Variants in PCDHA6 observed in about 807,000 individuals in gnomAD.
PCDHA6 encodes protocadherin alpha-6.
In PCDHA6, 55 loss-of-function variants were observed where a neutral mutation model predicts 60.3. The ratio of observed to expected loss-of-function variants is 0.91; its 90% CI spans 0.73 to 1.14. PCDHA6 has a LOEUF of 1.14. Among genes scored for constraint, PCDHA6 ranks in the 50% most tolerant of loss-of-function variants. The pLI, the probability that PCDHA6 is intolerant of heterozygous loss-of-function variation, is 0.00. For synonymous variants in PCDHA6, 652 were observed against 557.9 expected (o/e 1.17, Z -2.38); for missense variants, 1,327 against 1,256.5 (o/e 1.06, Z -0.85).
intron 1 of PCDHA6, among the ~76,000 whole-genome samples, chr5:140,976,481 G>A (rs549195125): frequency 6.6e-6 from 1 of 152,160 alleles, no homozygotes; most frequent in South Asian, 2.1e-4. Flanking sequence ...AATCCGGGAG[G>A]CAGAGGTTGC....
At chr5:140,989,109 A>C (rs2097330096) in intron 3 of PCDHA6, 2 of 152,240 alleles carry the variant, frequency 1.3e-5, no homozygotes, top group African/African-American at 4.8e-5. Context: ...CAACTTTTGA[A>C]TATATCTTAG....
At chr5:140,993,510 G>A (rs144120217) in intron 3 of PCDHA6, among the ~76,000 whole-genome samples, 7 of 129,138 alleles carry the variant, frequency 5.4e-5, no homozygotes, top group African/African-American at 1.4e-4. Context: ...ACACACACAC[G>A]GGGAGAGAGA....
In PCDHA6 at chr5:140,848,503, A is replaced by G. The variant is rs2150411513; in HGVS notation, c.2394+18018A>G. 2.1e-5 allele frequency: 33 copies of G among 1,586,850 alleles called. 4 individuals are homozygous for G. Among genetic ancestry groups the G allele is most frequent in the African/African-American group, 4.1e-5 (3 of 74,020 alleles). Reference sequence around the variant, plus strand: ...GAAGACTGAGTATTTGAAATGTTATACTCAAGTCGAGGAGATCCAGAGGGT... The same window carrying G: ...GAAGACTGAGTATTTGAAATGTTATGCTCAAGTCGAGGAGATCCAGAGGGT... On this transcript the variant is annotated intron_variant, in intron 1 of 3. Coordinates refer to ENST00000529310, the MANE Select transcript of PCDHA6 (RefSeq NM_018909.4).
chr5:140,961,504 G>T (rs2095618659), intron 1 of PCDHA6, among the ~76,000 whole-genome samples: 1 of 152,112 alleles, frequency 6.6e-6, no homozygotes, highest in African/African-American at 2.4e-5. Flanking sequence ...GGGAGACTTT[G>T]TTTAATGTCT....
In PCDHA6 at chr5:140,846,617, G is replaced by A. The variant is rs2150393003; in HGVS notation, c.2394+16132G>A. Among the ~76,000 whole-genome samples, 14 of 148,740 alleles carry A rather than the reference G, an allele frequency of 9.4e-5. 1 individual carries two copies. The highest frequency in any genetic ancestry group is 1.7e-4 in the African/African-American group (7 of 40,642). ...TCTCGATCTCCTGACCTCCTGATCC[G>A]CCCACTTCGGCCTCCTAAAGTGCTG... is the stretch of plus-strand genomic sequence containing the variant. On this transcript the variant is annotated intron_variant, in intron 1 of 3. Transcript: ENST00000529310.
intron 3 of PCDHA6, among the ~76,000 whole-genome samples, chr5:140,985,090 A>C (rs1214396432): frequency 6.6e-6 from 1 of 152,076 alleles, no homozygotes; most frequent in Non-Finnish European, 1.5e-5. Context: ...GGCGTGTGCC[A>C]CCAAGCCTGG....
At chr5:140,931,782 C>T (rs967402790) in intron 1 of PCDHA6, among the ~76,000 whole-genome samples, 9 of 151,848 alleles carry the variant, frequency 5.9e-5, no homozygotes, top group Non-Finnish European at 5.9e-5. Flanking sequence ...GTTCAATTAC[C>T]TATTGATCTG....
rs2150346065 is a variant in PCDHA6, at chr5:140,842,843, A to G, written c.2394+12358A>G. On this transcript the variant is annotated intron_variant, in intron 1 of 3. Coordinates refer to ENST00000529310, the MANE Select transcript of PCDHA6 (RefSeq NM_018909.4). ...GGGCGAGCGCTCGCTGTCGAGCTAC[A>G]TTTCGGTGCACACGGAGAGCGGCAA... 1.1e-5 allele frequency: 17 copies of G among 1,593,618 alleles called. 1 individual carries two copies. The South Asian group carries it at 1.8e-4, about 17-fold the overall frequency.
chr5:140,899,675 C>T lies in PCDHA6; in HGVS notation c.2394+69190C>T, dbSNP rs569711192. On this transcript the variant is annotated intron_variant, in intron 1 of 3. Coordinates refer to ENST00000529310, the MANE Select transcript of PCDHA6 (RefSeq NM_018909.4). The stretch of plus-strand genomic sequence containing the variant: ...TTGTGTCTCTGCCCGGCTTTGGTAT[C>T]AGGATGATGCTGGCCTCATAAAATG... Among the ~76,000 whole-genome samples the T allele has an allele frequency of 4.6e-3, 702 of 152,296 alleles. 3 individuals are homozygous for T. The highest frequency in any genetic ancestry group is 0.016 in the African/African-American group (679 of 41,556).
intron 1 of PCDHA6, chr5:140,884,562 A>C (rs782650365): frequency 6.2e-7 from 1 of 1,614,166 alleles, no homozygotes; most frequent in Non-Finnish European, 8.5e-7. Flanking sequence ...GAGGGCCCGC[A>C]TAAGACGGAC....
intron 3 of PCDHA6, among the ~76,000 whole-genome samples, chr5:141,004,120 T>C (rs1340380913): frequency 6.6e-6 from 1 of 152,178 alleles, no homozygotes; most frequent in African/African-American, 2.4e-5. Flanking sequence ...AAAGGGAGTA[T>C]CTCCATGATT....
At chr5:140,836,226 G>A (rs2150255881) in intron 1 of PCDHA6, 3 of 1,613,708 alleles carry the variant, frequency 1.9e-6, no homozygotes, top group Admixed American at 1.7e-5. Flanking sequence ...GCAACCGGTG[G>A]CGGCCGGTGC....
At chr5:140,957,289 C>T (rs1235564629) in intron 1 of PCDHA6, among the ~76,000 whole-genome samples, 1 of 152,162 alleles carries the variant, frequency 6.6e-6, no homozygotes, top group Non-Finnish European at 1.5e-5. Context: ...CCTGCAGTTT[C>T]ACTCTGAGCA....
At chr5:140,842,000 C>G in intron 1 of PCDHA6, 1 of 1,613,786 alleles carries the variant, frequency 6.2e-7, no homozygotes, top group Non-Finnish European at 8.5e-7. Context: ...AGGCACTGTT[C>G]AGCTGCTGGT....
intron 1 of PCDHA6, among the ~76,000 whole-genome samples, chr5:140,952,946 G>A (rs2094822679): frequency 6.6e-6 from 1 of 152,070 alleles, no homozygotes; most frequent in African/African-American, 2.4e-5. Flanking sequence ...AAGAGAGAGA[G>A]AAGGGGGAAG....
intron 1 of PCDHA6, chr5:140,876,844 C>T (rs200154646): frequency 1.2e-6 from 2 of 1,614,016 alleles, no homozygotes; most frequent in East Asian, 2.2e-5. Context: ...GTTCGCGCAG[C>T]CCGAGTACAC....
intron 3 of PCDHA6, among the ~76,000 whole-genome samples, chr5:140,986,734 C>T (rs2153854061): frequency 6.6e-6 from 1 of 152,260 alleles, no homozygotes; most frequent in Non-Finnish European, 1.5e-5. Context: ...TCTCAAGACC[C>T]CAGGGGATCT....
At chr5:140,852,963 C>T in intron 1 of PCDHA6, 1 of 424,740 alleles carries the variant, frequency 2.4e-6, no homozygotes, top group Non-Finnish European at 3.3e-6. Context: ...ACTCCAAGCT[C>T]CCCCTCCCGT....
At chr5:140,867,981 A>G (rs1451119630) in intron 1 of PCDHA6, 5 of 152,162 alleles carry the variant, frequency 3.3e-5, no homozygotes, top group African/African-American at 4.8e-5. Context: ...CAAGAAACAA[A>G]CTATTTTCAT....
Sources: allele counts gnomAD v4.1 joint callset (sites outside exome capture counted in the v4.1 genomes callset), GRCh38; gene constraint gnomAD v4.1.1; transcripts MANE v1.5; gene names NCBI Gene and HGNC (gene_info 2026-07-23, HGNC 2026-07-21).